Variants in KREMEN2 observed in about 807,000 individuals in gnomAD.
KREMEN2 encodes the protein kringle containing transmembrane protein 2, also known as kremen protein 2.
Under a neutral mutation model 49.8 loss-of-function variants are expected in KREMEN2, and 43 were observed. The observed-to-expected ratio is 0.86, with a 90% CI of 0.68 to 1.11. KREMEN2 has a LOEUF of 1.11. Ranked by LOEUF, KREMEN2 falls within the 50% of genes most tolerant of loss-of-function variation. The pLI is 0.00. For missense variants in KREMEN2, 686 were observed against 665.7 expected (o/e 1.03, Z -0.34); for synonymous variants, 355 against 304.9 (o/e 1.16, Z -1.71).
In KREMEN2 at chr16:2,964,494, A is replaced by G. The variant is rs555004961; in HGVS notation, c.-27A>G. 6 of 1,515,540 alleles carry G rather than the reference A, an allele frequency of 4.0e-6. No homozygotes were observed. The African/African-American group carries it at 8.5e-5, about 21-fold the overall frequency. The allele number at this position is 1,515,540 out of a possible 1,614,324, so 93.9% of individuals were successfully genotyped here. A position where few individuals can be genotyped will look rare whatever the true frequency, so the allele number is the denominator to read the frequency against. On this transcript the variant is annotated 5_prime_UTR_variant, in exon 1 of 9. Transcript: ENST00000303746. ...GGGCAGCCCGGGCCGTGTCCGGGCGAGGGTGACCTATCCTTGGTTGAGAGC... is the reference window on the plus strand; with the variant it reads ...GGGCAGCCCGGGCCGTGTCCGGGCGGGGGTGACCTATCCTTGGTTGAGAGC...
In KREMEN2 at chr16:2,965,041, G is replaced by A; in HGVS notation, c.269+8G>A. ...CGCGCACAACTTCTGCCGGTGAGGG[G>A]CGGGGCCTGCGCTGGGGGCGAGGCT... On this transcript the variant is annotated splice_region_variant and intron_variant, in intron 2 of 8. Transcript: ENST00000303746. 1 of 1,524,824 alleles carries A rather than the reference G, an allele frequency of 6.6e-7. No homozygotes were observed. The highest frequency in any genetic ancestry group is 8.8e-7 in the Non-Finnish European group (1 of 1,139,786). The allele number at this position is 1,524,824 out of a possible 1,614,324, so 94.5% of individuals were successfully genotyped here. A position where few individuals can be genotyped will look rare whatever the true frequency, so the allele number is the denominator to read the frequency against.
At chr16:2,965,721 A>T (rs1249627485) in intron 2 of KREMEN2, among the ~76,000 whole-genome samples, 1 of 150,456 alleles carries the variant, frequency 6.6e-6, no homozygotes, top group Admixed American at 6.6e-5. Context: ...CAGTGAGCAG[A>T]GATCGCGCCA....
Position 2,966,607 on chromosome 16 carries a change from C to A in KREMEN2, c.487-35C>A. 6.3e-7 allele frequency: 1 copy of A among 1,598,930 alleles called. No homozygotes were observed. Among genetic ancestry groups the A allele is most frequent in the Non-Finnish European group, 8.5e-7 (1 of 1,176,468 alleles). ...CCCCACCACTTCACCCCTACCCCAG[C>A]CCCTGCCCTGGGGTCACCCAGTCTG... is the stretch of plus-strand genomic sequence containing the variant. On this transcript the variant is annotated intron_variant, in intron 4 of 8. Transcript: ENST00000303746. The surrounding 1 kb of genome is among the most constrained non-coding windows in gnomAD (Gnocchi z 8.4).
intron 1 of KREMEN2, 48 bp downstream of exon 1, chr16:2,964,662 G>T: frequency 6.6e-7 from 1 of 1,504,982 alleles, no homozygotes. Flanking sequence ...CCCTTCCTCG[G>T]CCTCCGCCCC....
Position 2,967,861 on chromosome 16 carries a change from G to C in KREMEN2, c.1230G>C (p.Arg410Ser). 1 of 1,553,664 alleles carries C rather than the reference G, an allele frequency of 6.4e-7. No individual in the cohort carries two copies. The highest frequency in any genetic ancestry group is 8.7e-7 in the Non-Finnish European group (1 of 1,149,068). ...GKGPPALGAS[R>S]GPRRSWAVWY... ...GGCCCCCGGCGCTGGGGGCTTCCAG[G>C]GGCCCCAGGAGAAGCTGGGCTGTGT... The change falls in exon 9 of 9, where the codon AGG becomes AGC. Residue 410 changes from arginine to serine, a missense_variant. Arg to Ser is a moderately radical substitution (Grantham distance 110). Coordinates refer to ENST00000303746, the MANE Select transcript of KREMEN2 (RefSeq NM_172229.3).
Position 2,967,406 on chromosome 16 carries a change from T to C in KREMEN2, c.1060T>C (p.Cys354Arg), listed in dbSNP as rs1333816279. ...GCCCCTCGACGGGGCCAACGTGAGC[T>C]GCAGCCCCAGGCCTGGGGCTCCGCC... Reference protein sequence around the residue: ...AAPLDGANVSCSPRPGAPPAA... With the variant: ...AAPLDGANVSRSPRPGAPPAA... The change falls in exon 7 of 9, where the codon TGC becomes CGC. Residue 354 changes from cysteine (C) to arginine (R), a missense_variant. Cys to Arg is a radical substitution (Grantham distance 180). Transcript: ENST00000303746. 1.4e-6 allele frequency: 2 copies of C among 1,399,270 alleles called. No homozygotes were observed. Among genetic ancestry groups the C allele is most frequent in the East Asian group, 2.9e-5 (1 of 34,116 alleles). 86.7% of individuals were successfully genotyped at this position (1,399,270 alleles called of 1,614,324 possible). A position where few individuals can be genotyped will look rare whatever the true frequency, so the allele number is the denominator to read the frequency against.
rs752273508 is a variant in KREMEN2 at position 2,964,574 on chromosome 16, G to A, written c.54G>A (p.Leu18=). 6 of 1,608,276 alleles carry A rather than the reference G, an allele frequency of 3.7e-6. No homozygotes were observed. Among genetic ancestry groups the A allele is most frequent in the Non-Finnish European group, 5.1e-6 (6 of 1,177,778 alleles). Reference sequence around the variant, plus strand: ...TCTTTCTCCTCTTCCTCCCGCTGCTGCAGCCGCGTGGGGCCTCGGCTGGGA... The same window carrying A: ...TCTTTCTCCTCTTCCTCCCGCTGCTACAGCCGCGTGGGGCCTCGGCTGGGA... ...GFLFLLFLPL[L]QPRGASAGSL... is the part of the protein sequence containing the mutation. Residue 18 remains leucine, a synonymous_variant, in exon 1 of 9, where the codon CTG becomes CTA. Transcript: ENST00000303746.
At position 2,964,840 on chromosome 16, in the gene KREMEN2, C is replaced by T. The variant is rs538659137; in HGVS notation, c.95-19C>T. 32 of 1,609,322 alleles carry T rather than the reference C, an allele frequency of 2.0e-5. No individual in the cohort carries two copies. In the East Asian group the frequency reaches 7.0e-4, roughly 35 times the overall value. On this transcript the variant is annotated intron_variant, in intron 1 of 8. Transcript: ENST00000303746. ...CGGCGTGGGTCCGGACCTCCCCAGG[C>T]CCTGCCTTTGCCGTGCAGGCCTGTC...
intron 2 of KREMEN2, among the ~76,000 whole-genome samples, chr16:2,965,902 A>C (rs532292067): frequency 6.6e-6 from 1 of 152,306 alleles, no homozygotes; most frequent in African/African-American, 2.4e-5. Context: ...AAGCCTAAAA[A>C]CAGCTCTCAA....
chr16:2,964,598 G>A lies in KREMEN2; in HGVS notation c.78G>A (p.Gly26=). The change falls in exon 1 of 9, where the codon GGG becomes GGA. Residue 26 remains glycine (G), a synonymous_variant. Transcript: ENST00000303746. ...PLLQPRGASA[G]SLHSPGLSEC... is the part of the protein sequence containing the mutation. ...TGCAGCCGCGTGGGGCCTCGGCTGGGAGCCTGCACAGTCCAGGTAAGTCCC... is the reference window on the plus strand; with the variant it reads ...TGCAGCCGCGTGGGGCCTCGGCTGGAAGCCTGCACAGTCCAGGTAAGTCCC... The A allele has an allele frequency of 6.2e-7, 1 of 1,607,058 alleles. No individual in the cohort carries two copies. Among genetic ancestry groups the A allele is most frequent in the Admixed American group, 1.7e-5 (1 of 58,972 alleles).
Position 2,967,378 on chromosome 16 carries a change from G to C in KREMEN2, c.1032G>C (p.Ala344=), listed in dbSNP as rs575798890. 1.4e-6 allele frequency: 2 copies of C among 1,400,344 alleles called. No homozygotes were observed. Among genetic ancestry groups the C allele is most frequent in the Non-Finnish European group, 1.8e-6 (2 of 1,088,744 alleles). The allele number at this position is 1,400,344 out of a possible 1,614,324, so 86.7% of individuals were successfully genotyped here. Residue 344 remains alanine (A), a synonymous_variant, in exon 7 of 9, where the codon GCG becomes GCC. Transcript: ENST00000303746. ...EAPEGSAQTP[A]APLDGANVSC... is the part of the protein sequence containing the mutation. ...CCGAGGGCTCGGCCCAGACCCCCGC[G>C]GCGCCCCTCGACGGGGCCAACGTGA...
In KREMEN2 at chr16:2,967,963, C is replaced by A; in HGVS notation, c.1332C>A (p.Tyr444Ter). The A allele has an allele frequency of 6.3e-7, 1 of 1,586,576 alleles. No individual in the cohort carries two copies. The highest frequency in any genetic ancestry group is 1.3e-5 in the African/African-American group (1 of 74,792). Residue 444 changes from tyrosine to a stop codon, truncating the protein, a stop_gained, in exon 9 of 9, where the codon TAC becomes TAA. Transcript: ENST00000303746. LOFTEE classifies it high-confidence loss of function. ...DPQAEGSAAGYRPLSASSQSS... is the reference protein window; with the variant it reads ...DPQAEGSAAG The stretch of plus-strand genomic sequence containing the variant: ...AGGCTGAGGGTTCTGCCGCGGGCTA[C>A]CGGCCTCTGAGTGCCTCCAGCCAGA...
At position 2,964,567 on chromosome 16, in the gene KREMEN2, C is replaced by A. The variant is rs773704403; in HGVS notation, c.47C>A (p.Pro16Gln). ...GGCTTCCTCTTTCTCCTCTTCCTCC[C>A]GCTGCTGCAGCCGCGTGGGGCCTCG... ...LQGFLFLLFL[P>Q]LLQPRGASAG... is the part of the protein sequence containing the mutation. Residue 16 changes from proline to glutamine, a missense_variant, in exon 1 of 9, where the codon CCG (proline) becomes CAG (glutamine). Pro to Gln is a moderately conservative substitution (Grantham distance 76). Coordinates refer to ENST00000303746, the MANE Select transcript of KREMEN2 (RefSeq NM_172229.3). 6.2e-7 allele frequency: 1 copy of A among 1,608,578 alleles called. No individual in the cohort carries two copies. Among genetic ancestry groups the A allele is most frequent in the Admixed American group, 1.7e-5 (1 of 59,490 alleles).
At chr16:2,964,775 G>C in intron 1 of KREMEN2, 84 bp from the exon 2 acceptor site, 1 of 1,519,922 alleles carries the variant, frequency 6.6e-7, no homozygotes, top group Non-Finnish European at 8.9e-7. Context: ...TCGCTGGCTG[G>C]GGACCCAGGC....
Position 2,968,218 on chromosome 16 carries a change from A to T in KREMEN2, c.*198A>T. 1 of 894,102 alleles carries T rather than the reference A, an allele frequency of 1.1e-6. No homozygotes were observed. The allele number at this position is 894,102 out of a possible 1,614,324, so 55.4% of individuals were successfully genotyped here. ...CTGACCGTGGGGGTCCAGATGGTCCAGGCCCTCTCCATGGACCTGTATGTG... is the reference window on the plus strand; with the variant it reads ...CTGACCGTGGGGGTCCAGATGGTCCTGGCCCTCTCCATGGACCTGTATGTG... On this transcript the variant is annotated 3_prime_UTR_variant, in exon 9 of 9. Coordinates refer to ENST00000303746, the MANE Select transcript of KREMEN2 (RefSeq NM_172229.3).
Position 2,967,832 on chromosome 16 carries a change from A to G in KREMEN2, c.1201A>G (p.Lys401Glu). The change falls in exon 9 of 9, where the codon AAA becomes GAA. Residue 401 changes from lysine (K) to glutamate (E), a missense_variant. Physicochemically the swap from Lys to Glu is moderately conservative, Grantham distance 56. Transcript: ENST00000303746. ...RRRSCLLAPG[K>E]GPPALGASRG... The stretch of plus-strand genomic sequence containing the variant: ...TAGGAGCTGTCTGCTGGCTCCGGGA[A>G]AAGGGCCCCCGGCGCTGGGGGCTTC... The G allele has an allele frequency of 6.4e-7, 1 of 1,550,996 alleles. No individual in the cohort carries two copies. The highest frequency in any genetic ancestry group is 8.7e-7 in the Non-Finnish European group (1 of 1,147,546).
intron 1 of KREMEN2, 98 bp from the exon 2 acceptor site, chr16:2,964,761 G>A: frequency 2.1e-6 from 3 of 1,461,070 alleles, no homozygotes; most frequent in South Asian, 1.3e-5. Context: ...GGGCGGGTGC[G>A]GGGTCGCTGG....
Position 2,967,027 on chromosome 16 carries a change from G to A in KREMEN2, c.758G>A (p.Gly253Asp), listed in dbSNP as rs2071838442. The change falls in exon 6 of 9, where the codon GGC becomes GAC. Residue 253 changes from glycine (G) to aspartate (D), a missense_variant. Transcript: ENST00000303746. ...RNCSWALGPP[G>D]AALELTFRLF... Reference sequence around the variant, plus strand: ...TGCAGCTGGGCCCTGGGCCCGCCAGGCGCCGCGCTGGAGCTCACCTTCCGC... The same window carrying A: ...TGCAGCTGGGCCCTGGGCCCGCCAGACGCCGCGCTGGAGCTCACCTTCCGC... The A allele has an allele frequency of 2.6e-6, 4 of 1,544,662 alleles. No homozygotes were observed. Among genetic ancestry groups the A allele is most frequent in the Non-Finnish European group, 2.6e-6 (3 of 1,145,680 alleles).
In KREMEN2 at chr16:2,967,407, G is replaced by A. The variant is rs142642878; in HGVS notation, c.1061G>A (p.Cys354Tyr). ...CCCCTCGACGGGGCCAACGTGAGCT[G>A]CAGCCCCAGGCCTGGGGCTCCGCCG... ...AAPLDGANVSCSPRPGAPPAA... is the reference protein window; with the variant it reads ...AAPLDGANVSYSPRPGAPPAA... The change falls in exon 7 of 9, where the codon TGC becomes TAC. Residue 354 changes from cysteine to tyrosine, a missense_variant. Transcript: ENST00000303746. 5,379 of 1,399,242 alleles carry A rather than the reference G, an allele frequency of 3.8e-3. 156 individuals are homozygous for A. The African/African-American group carries it at 0.068, about 18-fold the overall frequency. 86.7% of individuals were successfully genotyped at this position (1,399,242 alleles called of 1,614,324 possible).
Sources: allele counts gnomAD v4.1 joint callset (sites outside exome capture counted in the v4.1 genomes callset), GRCh38; gene constraint gnomAD v4.1.1; non-coding constraint Gnocchi (gnomAD v3.1); transcripts MANE v1.5; gene names NCBI Gene and HGNC (gene_info 2026-07-23, HGNC 2026-07-21).